The following ZC3H8 variants were observed in gnomAD, a reference collection of about 807,000 sequenced individuals.
ZC3H8 encodes the protein zinc finger CCCH-type containing 8.
ZC3H8 carries 27 observed loss-of-function variants against 42.5 expected under a neutral mutation model. The observed-to-expected ratio is 0.64, with a 90% CI of 0.47 to 0.88. The LOEUF is 0.88. ZC3H8 is among the 40% of genes least tolerant of loss of function. The probability of loss-of-function intolerance (pLI) is 0.00; values close to 1 mark genes in which losing one functional copy is unlikely to be tolerated. For missense variants in ZC3H8, 277 were observed against 336.1 expected (o/e 0.82, Z 1.37); for synonymous variants, 101 against 110.1 (o/e 0.92, Z 0.52).
intron 6 of ZC3H8, 77 bp from the exon 7 acceptor site, chr2:112,232,024 C>T (rs1472799792): frequency 1.2e-6 from 1 of 862,142 alleles, no homozygotes; most frequent in Non-Finnish European, 1.7e-6. Flanking sequence ...TTTATTTTTC[C>T]TAAATAAAGA....
At position 112,214,632 on chromosome 2, in the gene ZC3H8, A is replaced by T. The variant is rs1184502509; in HGVS notation, c.*1852T>A. 5 of 152,150 alleles carry T rather than the reference A, an allele frequency of 3.3e-5. No homozygotes were observed. Among genetic ancestry groups the T allele is most frequent in the Non-Finnish European group, 5.9e-5 (4 of 68,082 alleles). 9.4% of individuals were successfully genotyped at this position (152,150 alleles called of 1,614,324 possible). A position where few individuals can be genotyped will look rare whatever the true frequency, so the allele number is the denominator to read the frequency against. On this transcript the variant is annotated 3_prime_UTR_variant, in exon 9 of 9. Transcript: ENST00000409573. ...GTACTTTGGACGAATGGCTCTTGAG[A>T]CGAATGGCTCTTGGTTCAGGGAACG... is the stretch of plus-strand genomic sequence containing the variant.
rs1228401145 is a variant in ZC3H8 at position 112,226,360 on chromosome 2, G to A, written c.*15+4543C>T. ...TCCCAGCACTTTGGGAGGCTGAGGC[G>A]GGCAGATCATGAGGTCAGGAGATCA... On this transcript the variant is annotated intron_variant, in intron 8 of 8. Coordinates refer to ENST00000409573, the MANE Select transcript of ZC3H8 (RefSeq NM_032494.3). 3.3e-5 allele frequency among the ~76,000 whole-genome samples: 5 copies of A among 151,678 alleles called. No individual in the cohort carries two copies. In the South Asian group the frequency reaches 6.2e-4, roughly 19 times the overall value.
intron 8 of ZC3H8, among the ~76,000 whole-genome samples, chr2:112,229,771 C>T (rs960953616): frequency 2.6e-5 from 4 of 151,828 alleles, no homozygotes; most frequent in Admixed American, 2.0e-4. Context: ...ATACAATTCC[C>T]AATGGATTAA....
At chr2:112,252,350 C>G (rs573920344) in intron 1 of ZC3H8, among the ~76,000 whole-genome samples, 21 of 152,298 alleles carry the variant, frequency 1.4e-4, no homozygotes, top group Admixed American at 1.2e-3. Flanking sequence ...TCCTCTCTCA[C>G]ATCCCCATCC....
At chr2:112,223,115 G>T (rs150735591) in intron 8 of ZC3H8, among the ~76,000 whole-genome samples, 8 of 152,128 alleles carry the variant, frequency 5.3e-5, no homozygotes, top group South Asian at 4.2e-4. Context: ...GTCGTGGGGT[G>T]GGGGAGTGGG....
Position 112,227,403 on chromosome 2 carries a change from C to T in ZC3H8, c.*15+3500G>A, listed in dbSNP as rs182509329. ...AGCCGGGCGTGGTGGCAGATGCCTG[C>T]AATCCCAGGTACTCGGGAGGCTGAG... is the stretch of plus-strand genomic sequence containing the variant. On this transcript the variant is annotated intron_variant, in intron 8 of 8. Transcript: ENST00000409573. Among the ~76,000 whole-genome samples the T allele has an allele frequency of 2.3e-3, 357 of 152,196 alleles. 2 individuals carry two copies. Among genetic ancestry groups the T allele is most frequent in the South Asian group, 0.011 (54 of 4,822 alleles).
At chr2:112,223,122 T>C (rs1322637709) in intron 8 of ZC3H8, among the ~76,000 whole-genome samples, 1 of 149,412 alleles carries the variant, frequency 6.7e-6, no homozygotes, top group Non-Finnish European at 1.5e-5. Context: ...GGTGGGGGAG[T>C]GGGGAGGGAT....
Position 112,239,247 on chromosome 2 carries a change from T to C in ZC3H8, c.157-719A>G, listed in dbSNP as rs187770845. Among the ~76,000 whole-genome samples the C allele has an allele frequency of 8.6e-4, 131 of 152,292 alleles. No individual in the cohort carries two copies. The South Asian group carries it at 0.011, about 13-fold the overall frequency. On this transcript the variant is annotated intron_variant, in intron 2 of 8. Transcript: ENST00000409573. ...ACTTAAAGCAATTTCTGCATAAAAATTTTCAGGTATTGGTTACATGTGTTT... is the reference window on the plus strand; with the variant it reads ...ACTTAAAGCAATTTCTGCATAAAAACTTTCAGGTATTGGTTACATGTGTTT...
chr2:112,244,758 C>CCA (rs1685700369), intron 2 of ZC3H8, among the ~76,000 whole-genome samples: 1 of 152,164 alleles, frequency 6.6e-6, no homozygotes, highest in South Asian at 2.1e-4. Context: ...GTGCCATGAA[C>CCA]CATGCCCACA....
At chr2:112,234,867 G>A (rs1055827435) in intron 4 of ZC3H8, among the ~76,000 whole-genome samples, 3 of 151,928 alleles carry the variant, frequency 2.0e-5, no homozygotes, top group Admixed American at 6.6e-5. Context: ...GTCTAAGAAC[G>A]AAGATCTTTA....
At chr2:112,236,726 CAT>C in intron 3 of ZC3H8, 31 bp from the exon 4 acceptor site, 3 of 1,554,634 alleles carry the variant, frequency 1.9e-6, no homozygotes, top group Non-Finnish European at 2.6e-6. Context: ...TAAAAAATGA[CAT>C]AAAGTTACAA....
intron 6 of ZC3H8, 113 bp from the exon 7 acceptor site, chr2:112,232,060 A>C: frequency 1.9e-6 from 1 of 532,632 alleles, no homozygotes; most frequent in Non-Finnish European, 3.1e-6. Context: ...GAGGTGGCTC[A>C]TGCCTGTAGG....
chr2:112,232,260 G>A (rs1373886939), intron 6 of ZC3H8, among the ~76,000 whole-genome samples: 10 of 131,938 alleles, frequency 7.6e-5, no homozygotes, highest in East Asian at 2.2e-4. Context: ...AGGTTGCAGC[G>A]AACCAAGATT....
chr2:112,217,482 C>T (rs1388118948), intron 8 of ZC3H8, among the ~76,000 whole-genome samples: 1 of 152,194 alleles, frequency 6.6e-6, no homozygotes, highest in Non-Finnish European at 1.5e-5. Flanking sequence ...TATACTGTTA[C>T]ATTAAAATCC....
chr2:112,254,243 T>G (rs530254283), intron 1 of ZC3H8: 4 of 764,396 alleles, frequency 5.2e-6, no homozygotes, highest in Non-Finnish European at 6.4e-6. Flanking sequence ...AAGATGGTGG[T>G]TTTTAGCATT....
chr2:112,218,843 A>G (rs1461210397), intron 8 of ZC3H8, among the ~76,000 whole-genome samples: 1 of 152,136 alleles, frequency 6.6e-6, no homozygotes, highest in Non-Finnish European at 1.5e-5. Context: ...GGGGTCAGTA[A>G]CCCTAACTCC....
intron 4 of ZC3H8, among the ~76,000 whole-genome samples, chr2:112,234,565 C>CT (rs1484088640): frequency 1.3e-5 from 2 of 152,174 alleles, no homozygotes; most frequent in Admixed American, 1.3e-4. Flanking sequence ...CTTTGGGAGG[C>CT]TGAGGCGGGT....
At chr2:112,226,612 G>T (rs1178153306) in intron 8 of ZC3H8, among the ~76,000 whole-genome samples, 1 of 69,988 alleles carries the variant, frequency 1.4e-5, no homozygotes, top group Non-Finnish European at 3.1e-5. Context: ...AAAAGCTCAG[G>T]CCCAGTTGTC....
At chr2:112,218,302 A>T (rs1211725056) in intron 8 of ZC3H8, among the ~76,000 whole-genome samples, 6 of 152,240 alleles carry the variant, frequency 3.9e-5, no homozygotes, top group Non-Finnish European at 8.8e-5. Flanking sequence ...TTCAGAAGGG[A>T]ACTCTACTCA....
Sources: gnomAD v4.1 joint callset for allele counts (sites outside exome capture counted in the v4.1 genomes callset) on GRCh38, gnomAD v4.1.1 for gene constraint, MANE v1.5 for transcripts, NCBI Gene and HGNC (gene_info 2026-07-23, HGNC 2026-07-21) for gene names.